Variants in HMGA2 observed in about 807,000 individuals in gnomAD.
HMGA2 encodes high mobility group protein HMGI-C.
In HMGA2, 8 loss-of-function variants were observed where a neutral mutation model predicts 19.1. The observed-to-expected ratio is 0.42, with a 90% CI of 0.25 to 0.76. The LOEUF is 0.76. HMGA2 is among the 30% of genes least tolerant of loss of function. HMGA2 has a pLI of 0.28. For synonymous variants in HMGA2, 60 were observed against 48.8 expected, an observed-to-expected ratio of 1.23 and a Z score of -0.96; for missense variants, 109 against 136.3, an observed-to-expected ratio of 0.80 and a Z score of 1.00.
chr12:65,846,589 T>C (rs1871243368), intron 3 of HMGA2, among the ~76,000 whole-genome samples: 2 of 152,230 alleles, frequency 1.3e-5, no homozygotes, highest in South Asian at 4.1e-4. Flanking sequence ...GAACAGCATG[T>C]ACAGGACAGA....
chr12:65,945,786 G>A (rs776578607), intron 3 of HMGA2, among the ~76,000 whole-genome samples: 17 of 152,012 alleles, frequency 1.1e-4, no homozygotes, highest in East Asian at 9.6e-4. Flanking sequence ...ATAAATAACC[G>A]GTCAATTTTG....
intron 3 of HMGA2, among the ~76,000 whole-genome samples, chr12:65,900,649 T>G (rs1223590773): frequency 3.3e-5 from 5 of 152,224 alleles, no homozygotes; most frequent in Admixed American, 3.3e-4. Flanking sequence ...GGGACAATTT[T>G]ATTTTTTCTT....
At chr12:65,835,180 G>T (rs1165921810) in intron 2 of HMGA2, among the ~76,000 whole-genome samples, 1 of 152,144 alleles carries the variant, frequency 6.6e-6, no homozygotes, top group African/African-American at 2.4e-5. Context: ...CTACAGTATT[G>T]CATATGTTAA....
chr12:65,856,660 G>A (rs1003675005), intron 3 of HMGA2: 4 of 152,352 alleles, frequency 2.6e-5, no homozygotes, highest in African/African-American at 9.6e-5. Context: ...GAAACTGGAA[G>A]TCTGACATCA....
chr12:65,846,178 C>T (rs1334161771), intron 3 of HMGA2, among the ~76,000 whole-genome samples: 1 of 152,202 alleles, frequency 6.6e-6, no homozygotes, highest in Non-Finnish European at 1.5e-5. Context: ...ATTATTTTTT[C>T]ATTCTTACAA....
chr12:65,910,609 C>T (rs991204246), intron 3 of HMGA2, among the ~76,000 whole-genome samples: 6 of 152,188 alleles, frequency 3.9e-5, no homozygotes, highest in Admixed American at 3.9e-4. Flanking sequence ...GCATTTCTCT[C>T]TGTTCGGTGT....
At chr12:65,941,450 G>C (rs1350460965) in intron 3 of HMGA2, among the ~76,000 whole-genome samples, 2 of 152,126 alleles carry the variant, frequency 1.3e-5, no homozygotes, top group Non-Finnish European at 2.9e-5. Flanking sequence ...ATGTTTCTCG[G>C]AGTGAATATT....
At position 65,964,567 on chromosome 12, in the gene HMGA2, C is replaced by T. The variant is rs1042725; in HGVS notation, c.*1275C>T. On this transcript the variant is annotated 3_prime_UTR_variant, in exon 5 of 5. Transcript: ENST00000403681. Reference sequence around the variant, plus strand: ...TCAATACTACCTCTGAATGTTACAACGAATTTACAGTCTAGTACTTATTAC... The same window carrying T: ...TCAATACTACCTCTGAATGTTACAATGAATTTACAGTCTAGTACTTATTAC... 0.51 allele frequency: 109,455 copies of T among 215,618 alleles called. 29,032 individuals are homozygous for T. The highest frequency in any genetic ancestry group is 0.76 in the East Asian group (10,898 of 14,376). The allele number at this position is 215,618 out of a possible 1,614,324, so 13.4% of individuals were successfully genotyped here. A position where few individuals can be genotyped will look rare whatever the true frequency, so the allele number is the denominator to read the frequency against.
chr12:65,858,344 A>G (rs1183287612), intron 3 of HMGA2: 3 of 152,174 alleles, frequency 2.0e-5, no homozygotes, highest in Non-Finnish European at 4.4e-5. Context: ...ACAAAAAAAA[A>G]AAAGAAAAGA....
At chr12:65,959,104 T>G (rs1876679858) in intron 4 of HMGA2, among the ~76,000 whole-genome samples, 1 of 152,242 alleles carries the variant, frequency 6.6e-6, no homozygotes, top group South Asian at 2.1e-4. Context: ...CATCCATGCC[T>G]GTATAGTAAG....
intron 3 of HMGA2, among the ~76,000 whole-genome samples, chr12:65,865,984 G>A (rs1760553672): frequency 6.6e-6 from 1 of 152,086 alleles, no homozygotes; most frequent in Non-Finnish European, 1.5e-5. Context: ...AGAGTTGCTG[G>A]CTAAAATGAT....
chr12:65,933,279 A>G (rs1386058582), intron 3 of HMGA2, among the ~76,000 whole-genome samples: 1 of 152,178 alleles, frequency 6.6e-6, no homozygotes, highest in East Asian at 1.9e-4. Context: ...TGGTCTCTTC[A>G]TATACATGCT....
chr12:65,925,044 C>G (rs1309750997), intron 3 of HMGA2, among the ~76,000 whole-genome samples: 1 of 152,130 alleles, frequency 6.6e-6, no homozygotes, highest in Non-Finnish European at 1.5e-5. Flanking sequence ...CAAGCAGACC[C>G]TCCTTAAAAG....
chr12:65,900,619 A>G (rs1432196047), intron 3 of HMGA2, among the ~76,000 whole-genome samples: 1 of 152,232 alleles, frequency 6.6e-6, no homozygotes. Context: ...GAATGCATAG[A>G]GCGGGGTATG....
At chr12:65,908,551 T>C (rs1288443297) in intron 3 of HMGA2, among the ~76,000 whole-genome samples, 1 of 152,238 alleles carries the variant, frequency 6.6e-6, no homozygotes, top group African/African-American at 2.4e-5. Flanking sequence ...TCTCCAGTTG[T>C]TGCTGGGAAG....
intron 3 of HMGA2, among the ~76,000 whole-genome samples, chr12:65,897,990 T>C (rs181858263): frequency 5.1e-4 from 78 of 152,002 alleles, no homozygotes; most frequent in Admixed American, 4.6e-3. Flanking sequence ...AGTTAAATGA[T>C]TCATCCATCG....
intron 3 of HMGA2, chr12:65,915,304 G>T: frequency 7.0e-7 from 1 of 1,425,712 alleles, no homozygotes; most frequent in Non-Finnish European, 9.2e-7. Context: ...ACTGAAGTCT[G>T]CATCCCAAGA....
intron 3 of HMGA2, among the ~76,000 whole-genome samples, chr12:65,866,530 C>T (rs1184988428): frequency 6.6e-6 from 1 of 152,012 alleles, no homozygotes; most frequent in Non-Finnish European, 1.5e-5. Flanking sequence ...CTTCTTTTTC[C>T]CCTCGGTTAT....
Position 65,964,379 on chromosome 12 carries a change from T to C in HMGA2, c.*1087T>C. On this transcript the variant is annotated 3_prime_UTR_variant, in exon 5 of 5. Transcript: ENST00000403681. ...TCTTTTCATTGTGTATCAGTTTCCA[T>C]GAAAGACCTGAATACCACTTACCTC... 1 of 225,400 alleles carries C rather than the reference T, an allele frequency of 4.4e-6. No homozygotes were observed. The highest frequency in any genetic ancestry group is 8.8e-6 in the Non-Finnish European group (1 of 113,076). 14.0% of individuals were successfully genotyped at this position (225,400 alleles called of 1,614,324 possible).
Sources: allele counts gnomAD v4.1 joint callset (sites outside exome capture counted in the v4.1 genomes callset), GRCh38; gene constraint gnomAD v4.1.1; transcripts MANE v1.5; gene names NCBI Gene and HGNC (gene_info 2026-07-23, HGNC 2026-07-21).